The following SOX5 variants were observed in gnomAD, a reference collection of about 807,000 sequenced individuals.
The protein encoded by SOX5 is SRY-box transcription factor 5.
Under a neutral mutation model 92.0 loss-of-function variants are expected in SOX5, and 9 were observed. The observed-to-expected ratio is 0.10, with a 90% CI of 0.06 to 0.17. SOX5 has a LOEUF of 0.17. SOX5 is among the 10% of genes least tolerant of loss of function. The pLI is 1.00. For synonymous variants in SOX5, 344 were observed against 336.3 expected, an observed-to-expected ratio of 1.02 and a Z score of -0.25; for missense variants, 642 against 944.5, an observed-to-expected ratio of 0.68 and a Z score of 4.20.
chr12:23,827,575 C>T (rs764315427), intron 3 of SOX5, among the ~76,000 whole-genome samples: 33 of 152,154 alleles, frequency 2.2e-4, no homozygotes, highest in South Asian at 1.0e-3. Flanking sequence ...GAACAGTCTG[C>T]ATTGTGTTAA....
intron 3 of SOX5, among the ~76,000 whole-genome samples, chr12:23,804,700 A>G (rs373582617): frequency 1.1e-4 from 17 of 151,566 alleles, no homozygotes; most frequent in East Asian, 5.9e-4. Flanking sequence ...TCCCAACTCA[A>G]TCTCTCCAGA....
intron 4 of SOX5, among the ~76,000 whole-genome samples, chr12:23,965,960 A>G (rs79168377): frequency 0.11 from 16,591 of 152,038 alleles, 1,078 homozygotes; most frequent in East Asian, 0.2. Flanking sequence ...GTACCTTGAG[A>G]CTGATTGTCC....
intron 4 of SOX5, among the ~76,000 whole-genome samples, chr12:23,959,458 A>T (rs938828958): frequency 2.0e-4 from 31 of 152,222 alleles, no homozygotes; most frequent in Admixed American, 3.9e-4. Flanking sequence ...ATAAACTATT[A>T]GAAGGGAACA....
chr12:23,606,068 G>C (rs937932963), intron 8 of SOX5, among the ~76,000 whole-genome samples: 1 of 151,818 alleles, frequency 6.6e-6, no homozygotes, highest in South Asian at 2.1e-4. Context: ...ACTATTTAAA[G>C]AAAAATGATC....
chr12:24,398,577 G>A (rs545626462), intron 1 of SOX5, among the ~76,000 whole-genome samples: 1 of 152,262 alleles, frequency 6.6e-6, no homozygotes, highest in African/African-American at 2.4e-5. Flanking sequence ...AGTGGTACTT[G>A]TGTTTCTATT....
chr12:23,629,461 C>A (rs1305927840), intron 8 of SOX5, among the ~76,000 whole-genome samples: 1 of 151,990 alleles, frequency 6.6e-6, no homozygotes, highest in Non-Finnish European at 1.5e-5. Flanking sequence ...TATTTAGAGT[C>A]TAAATTGCCT....
chr12:24,266,076 GTGTGTGTGTT>G, intron 3 of SOX5, among the ~76,000 whole-genome samples: 1 of 111,316 alleles, frequency 9.0e-6, no homozygotes, highest in Non-Finnish European at 1.9e-5. Flanking sequence ...GTGTGTGTGT[GTGTGTGTGTT>G]TTATTTTGGT....
intron 8 of SOX5, among the ~76,000 whole-genome samples, chr12:23,620,930 A>G (rs1027580741): frequency 1.3e-5 from 2 of 152,246 alleles, no homozygotes; most frequent in South Asian, 2.1e-4. Context: ...TCAGTAAATA[A>G]TTATCTCTGC....
chr12:24,310,977 A>C (rs770214950), intron 2 of SOX5, among the ~76,000 whole-genome samples: 4 of 152,158 alleles, frequency 2.6e-5, no homozygotes, highest in Non-Finnish European at 4.4e-5. Context: ...GAACACAATA[A>C]CCCAAAATAT....
At chr12:24,183,613 G>A (rs1955726639) in intron 4 of SOX5, among the ~76,000 whole-genome samples, 1 of 151,960 alleles carries the variant, frequency 6.6e-6, no homozygotes, top group African/African-American at 2.4e-5. Flanking sequence ...TATTTTAAAA[G>A]TCCTCAATAT....
At position 23,621,709 on chromosome 12, in the gene SOX5, T is replaced by C. The variant is rs568511138; in HGVS notation, c.1018-17176A>G. Among the ~76,000 whole-genome samples the C allele has an allele frequency of 5.9e-5, 9 of 152,150 alleles. No homozygotes were observed. The East Asian group carries it at 1.4e-3, about 23-fold the overall frequency. On this transcript the variant is annotated intron_variant, in intron 8 of 14. Transcript: ENST00000451604. ...ACCCAGCTTTGGAAACAAATATAAA[T>C]AGAAGAGGAAAGAGTACCAGATCCT...
At chr12:24,167,440 G>A (rs1054336630) in intron 4 of SOX5, among the ~76,000 whole-genome samples, 1 of 152,206 alleles carries the variant, frequency 6.6e-6, no homozygotes, top group Non-Finnish European at 1.5e-5. Context: ...GAGATAAGCT[G>A]AATTCAGAAT....
At chr12:23,978,276 C>T (rs1438026409) in intron 4 of SOX5, among the ~76,000 whole-genome samples, 1 of 152,108 alleles carries the variant, frequency 6.6e-6, no homozygotes, top group Admixed American at 6.5e-5. Flanking sequence ...ACACTTATGT[C>T]TTCATCTTAA....
At chr12:23,962,373 G>A (rs1173364569) in intron 4 of SOX5, among the ~76,000 whole-genome samples, 4 of 151,966 alleles carry the variant, frequency 2.6e-5, no homozygotes, top group African/African-American at 7.3e-5. Flanking sequence ...AACCACACAC[G>A]CAAACACACA....
At chr12:23,995,326 A>T (rs1950933501) in intron 4 of SOX5, among the ~76,000 whole-genome samples, 1 of 152,234 alleles carries the variant, frequency 6.6e-6, no homozygotes, top group Non-Finnish European at 1.5e-5. Context: ...AAGTAAACAA[A>T]TTAATAAAAA....
chr12:24,374,514 C>T (rs1320340958), intron 1 of SOX5, among the ~76,000 whole-genome samples: 1 of 135,352 alleles, frequency 7.4e-6, no homozygotes, highest in Admixed American at 7.1e-5. Flanking sequence ...CACACACACA[C>T]ATACACACAC....
intron 1 of SOX5, among the ~76,000 whole-genome samples, chr12:24,426,532 C>T (rs965067620): frequency 5.3e-5 from 8 of 152,158 alleles, no homozygotes; most frequent in African/African-American, 1.9e-4. Context: ...TCAGAACTCA[C>T]ATTTATCATT....
intron 4 of SOX5, among the ~76,000 whole-genome samples, chr12:24,012,128 A>AT (rs1953015781): frequency 2.7e-5 from 1 of 37,510 alleles, no homozygotes; most frequent in Non-Finnish European, 1.7e-4. Flanking sequence ...TGACTTCAGC[A>AT]GAAAAAAAAC....
intron 4 of SOX5, among the ~76,000 whole-genome samples, chr12:23,971,201 C>A (rs181137417): frequency 1.4e-5 from 2 of 142,706 alleles, no homozygotes; most frequent in East Asian, 2.2e-4. Context: ...CAGCTCACTG[C>A]AAGCTCCGCC....
Sources: gnomAD v4.1 joint callset for allele counts (sites outside exome capture counted in the v4.1 genomes callset) on GRCh38, gnomAD v4.1.1 for gene constraint, MANE v1.5 for transcripts, NCBI Gene and HGNC (gene_info 2026-07-23, HGNC 2026-07-21) for gene names.